The following EPHB4 variants were observed in gnomAD, a reference collection of about 807,000 sequenced individuals.
EPHB4 encodes the protein EPH receptor B4.
EPHB4 carries 50 observed loss-of-function variants against 110.6 expected under a neutral mutation model. That is an observed-to-expected ratio of 0.45 (90% CI 0.36 to 0.57). The LOEUF is 0.57. EPHB4 is among the 20% of genes least tolerant of loss of function. EPHB4 has a pLI of 0.00. For missense variants in EPHB4, 1,128 were observed against 1,382.1 expected (o/e 0.82, Z 2.91); for synonymous variants, 592 against 578.4 (o/e 1.02, Z -0.34).
intron 5 of EPHB4, 31 bp downstream of exon 5, chr7:100,820,110 A>C (rs772331352): frequency 2.4e-5 from 39 of 1,607,566 alleles, no homozygotes; most frequent in Non-Finnish European, 3.1e-5. Context: ...ACCCCTCCCC[A>C]GTGAACTGCA....
In EPHB4 at chr7:100,827,176, G is replaced by C. The variant is rs555390427; in HGVS notation, c.-146C>G. 2 of 750,400 alleles carry C rather than the reference G, an allele frequency of 2.7e-6. No individual in the cohort carries two copies. Among genetic ancestry groups the C allele is most frequent in the Non-Finnish European group, 3.7e-6 (2 of 535,176 alleles). The allele number at this position is 750,400 out of a possible 1,614,324, so 46.5% of individuals were successfully genotyped here. A position where few individuals can be genotyped will look rare whatever the true frequency, so the allele number is the denominator to read the frequency against. The stretch of plus-strand genomic sequence containing the variant: ...CAGCGCGGGCCCATGCGAGCGTGCG[G>C]GGCACCGGGCGGCGGCGCCAAGTGT... On this transcript the variant is annotated 5_prime_UTR_variant, in exon 1 of 17. Coordinates refer to ENST00000358173, the MANE Select transcript of EPHB4 (RefSeq NM_004444.5).
At chr7:100,803,627 T>C (rs1204412685) in intron 16 of EPHB4, 37 bp from the exon 17 acceptor site, 1 of 1,560,662 alleles carries the variant, frequency 6.4e-7, no homozygotes, top group Admixed American at 1.8e-5. Flanking sequence ...AGACCCTAGG[T>C]TCCCTGTGGC....
At chr7:100,823,610 T>C (rs761354550) in intron 3 of EPHB4, 34 bp downstream of exon 3, 7 of 1,599,468 alleles carry the variant, frequency 4.4e-6, no homozygotes, top group African/African-American at 1.3e-5. Flanking sequence ...AATCCCACCT[T>C]GGCTGTGGCT....
chr7:100,806,005 G>C (rs935884617), intron 14 of EPHB4: 5 of 317,706 alleles, frequency 1.6e-5, no homozygotes, highest in Non-Finnish European at 2.8e-5. Context: ...AGTTGCCCAG[G>C]CTGGAAAGCA....
chr7:100,811,921 C>T (rs1030784123), intron 12 of EPHB4, among the ~76,000 whole-genome samples: 1 of 151,596 alleles, frequency 6.6e-6, no homozygotes, highest in African/African-American at 2.4e-5. Flanking sequence ...TCTGTAATCC[C>T]AGCACTTTGG....
At chr7:100,813,854 T>G in intron 9 of EPHB4, 65 bp downstream of exon 9, 2 of 1,607,188 alleles carry the variant, frequency 1.2e-6, no homozygotes, top group Non-Finnish European at 1.7e-6. Context: ...GCTTGTCCTG[T>G]AGCACCCAGG....
Position 100,817,360 on chromosome 7 carries a change from G to C in EPHB4, c.1423-3C>G. 2 of 1,558,020 alleles carry C rather than the reference G, an allele frequency of 1.3e-6. No individual in the cohort carries two copies. Among genetic ancestry groups the C allele is most frequent in the South Asian group, 1.2e-5 (1 of 84,272 alleles). On this transcript the variant is annotated splice_polypyrimidine_tract_variant and splice_region_variant and intron_variant, in intron 7 of 16. Transcript: ENST00000358173. ...ACGCTGCTGGGACCCTCGGCGCCCT[G>C]TCCGGGAGAGGTAGTGGGGTGGCCG...
chr7:100,813,241 A>T (rs1812983818), intron 10 of EPHB4, 33 bp from the exon 11 acceptor site: 4 of 1,563,648 alleles, frequency 2.6e-6, no homozygotes, highest in Non-Finnish European at 2.6e-6. Context: ...GTCAGCTGGG[A>T]ATTAACTCCC....
At chr7:100,821,497 C>T (rs921487021) in intron 4 of EPHB4, among the ~76,000 whole-genome samples, 5 of 149,600 alleles carry the variant, frequency 3.3e-5, no homozygotes, top group Non-Finnish European at 7.4e-5. Context: ...GGCGTGGTGG[C>T]GGGGCCTGTA....
intron 8 of EPHB4, 61 bp from the exon 9 acceptor site, chr7:100,814,082 C>T (rs1813010050): frequency 3.8e-6 from 6 of 1,574,426 alleles, no homozygotes; most frequent in Admixed American, 1.8e-5. Flanking sequence ...GCCCCAGCCC[C>T]GGCTTTGAGC....
intron 7 of EPHB4, among the ~76,000 whole-genome samples, chr7:100,818,176 T>G (rs1813129639): frequency 6.6e-6 from 1 of 151,852 alleles, no homozygotes. Context: ...CCATTTTAAG[T>G]TTTTTATAGA....
At chr7:100,826,491 C>T (rs1163414847) in intron 1 of EPHB4, among the ~76,000 whole-genome samples, 1 of 152,044 alleles carries the variant, frequency 6.6e-6, no homozygotes, top group African/African-American at 2.4e-5. Flanking sequence ...CATCCTGTTG[C>T]AGGAGTGTGG....
chr7:100,805,517 C>A lies in EPHB4; in HGVS notation c.2662G>T (p.Ala888Ser). ...AGTCCTCACCCGCCATTCTCCCGGG[C>A]CACGATTTTGAGGCTGGCGGGGTTC... is the stretch of plus-strand genomic sequence containing the variant. ...IRNPASLKIV[A>S]RENGGASHPL... The change falls in exon 15 of 17, where the codon GCC becomes TCC. Residue 888 changes from alanine to serine, a missense_variant. Around this residue, in one of 3 missense-constraint regions of EPHB4, gnomAD observed 209 missense variants for 240.5 expected, o/e 0.87. Transcript: ENST00000358173. The A allele has an allele frequency of 6.6e-7, 1 of 1,522,100 alleles. No homozygotes were observed. The highest frequency in any genetic ancestry group is 1.3e-5 in the South Asian group (1 of 76,386). The allele number at this position is 1,522,100 out of a possible 1,614,324, so 94.3% of individuals were successfully genotyped here.
At chr7:100,823,541 C>G (rs982937005) in intron 3 of EPHB4, 103 bp downstream of exon 3, 1 of 1,447,472 alleles carries the variant, frequency 6.9e-7, no homozygotes, top group Non-Finnish European at 9.3e-7. Flanking sequence ...CCCCAGCGCG[C>G]GGGCCAGAGG....
At chr7:100,816,722 T>TC (rs2116442152) in intron 8 of EPHB4, among the ~76,000 whole-genome samples, 2 of 152,154 alleles carry the variant, frequency 1.3e-5, no homozygotes, top group South Asian at 4.1e-4. Flanking sequence ...CTGTTGGTTT[T>TC]GGTTTCGACA....
chr7:100,806,256 G>C, intron 14 of EPHB4, 164 bp downstream of exon 14: 1 of 860,400 alleles, frequency 1.2e-6, no homozygotes, highest in Non-Finnish European at 1.7e-6. Context: ...CACTAGGCCT[G>C]GCCCTGTATC....
intron 13 of EPHB4, 67 bp downstream of exon 13, chr7:100,807,298 A>ACCTTT: frequency 6.5e-7 from 1 of 1,548,030 alleles, no homozygotes; most frequent in Non-Finnish European, 8.8e-7. Flanking sequence ...TCAGCCTCCC[A>ACCTTT]CCTTTCCAAC....
chr7:100,810,469 T>C (rs1390036114), intron 12 of EPHB4, among the ~76,000 whole-genome samples: 1 of 151,912 alleles, frequency 6.6e-6, no homozygotes, highest in Non-Finnish European at 1.5e-5. Context: ...TCAGCAGGCG[T>C]GGTGGCTCAC....
rs746843285 is a variant in EPHB4, at chr7:100,813,704, A to G, written c.1704T>C (p.Asn568=). The G allele has an allele frequency of 1.2e-6, 2 of 1,614,016 alleles. No homozygotes were observed. The highest frequency in any genetic ancestry group is 3.3e-5 in the Admixed American group (2 of 59,988). The change falls in exon 10 of 17, where the codon AAT becomes AAC. Residue 568 remains asparagine, a synonymous_variant. Coordinates refer to ENST00000358173, the MANE Select transcript of EPHB4 (RefSeq NM_004444.5). ...TGTCCGAATATTCTGCTTCTCTCCC[A>G]TTGCTCTGCTTCCTGTAGCCGATGG... ...VAVLCLRKQS[N]GREAEYSDKH...
Sources: gnomAD v4.1 joint callset for allele counts (sites outside exome capture counted in the v4.1 genomes callset) on GRCh38, gnomAD v4.1.1 for gene constraint, gnomAD v4.1.1 regional missense constraint, MANE v1.5 for transcripts, NCBI Gene and HGNC (gene_info 2026-07-23, HGNC 2026-07-21) for gene names.